Variants in GRM1 observed in about 807,000 individuals in gnomAD.
GRM1 encodes glutamate metabotropic receptor 1.
In GRM1, 33 loss-of-function variants were observed where a neutral mutation model predicts 90.9. The observed-to-expected ratio is 0.36, with a 90% CI of 0.28 to 0.49. GRM1 has a LOEUF of 0.49. GRM1 is among the 20% of genes least tolerant of loss of function. The pLI, the probability that GRM1 is intolerant of heterozygous loss-of-function variation, is 0.99. For missense variants in GRM1, 1,190 were observed against 1,534.3 expected (o/e 0.78, Z 3.75); for synonymous variants, 700 against 613.2 (o/e 1.14, Z -2.09).
rs770429341 is a variant in GRM1, at chr6:146,434,358, C to G, written c.3147C>G (p.His1049Gln). The G allele has an allele frequency of 1.9e-6, 3 of 1,612,582 alleles. No homozygotes were observed. The highest frequency in any genetic ancestry group is 1.3e-5 in the African/African-American group (1 of 75,046). ...TCAGTACCGCGATCCCGGATTTTCA[C>G]GCGGTGCTGGCAGGCCCCGGTGGTC... ...SNFSTAIPDF[H>Q]AVLAGPGGPG... Residue 1049 changes from histidine (H) to glutamine (Q), a missense_variant, in exon 8 of 8, where the codon CAC becomes CAG. His to Gln is a conservative substitution (Grantham distance 24, BLOSUM62 0). This residue lies in a region of GRM1 where 400 missense variants were observed against 360.8 expected (regional missense o/e 1.11). Coordinates refer to ENST00000282753, the MANE Select transcript of GRM1 (RefSeq NM_001278064.2).
chr6:146,317,757 G>A (rs1384250448), intron 3 of GRM1, among the ~76,000 whole-genome samples: 2 of 152,158 alleles, frequency 1.3e-5, no homozygotes, highest in Non-Finnish European at 2.9e-5. Context: ...TAGCCAATGT[G>A]AACTTAGTTT....
intron 2 of GRM1, among the ~76,000 whole-genome samples, chr6:146,207,289 T>C (rs1583164885): frequency 6.6e-6 from 1 of 152,086 alleles, no homozygotes; most frequent in Non-Finnish European, 1.5e-5. Flanking sequence ...AGTGTATAAG[T>C]GTTTGTAATA....
At chr6:146,235,248 C>G (rs535199180) in intron 2 of GRM1, among the ~76,000 whole-genome samples, 2 of 152,228 alleles carry the variant, frequency 1.3e-5, no homozygotes, top group East Asian at 1.9e-4. Context: ...AGATGTCACT[C>G]TATTGTATTC....
intron 2 of GRM1, among the ~76,000 whole-genome samples, chr6:146,253,594 C>A (rs1781376683): frequency 6.6e-6 from 1 of 152,112 alleles, no homozygotes; most frequent in South Asian, 2.1e-4. Flanking sequence ...GTAGGATAGA[C>A]CTTTGTTTCT....
intron 2 of GRM1, among the ~76,000 whole-genome samples, chr6:146,257,489 G>C (rs1215060748): frequency 6.6e-6 from 1 of 151,292 alleles, no homozygotes; most frequent in African/African-American, 2.5e-5. Flanking sequence ...GTGTGCGTAT[G>C]TGTGTGTCTG....
intron 7 of GRM1, among the ~76,000 whole-genome samples, chr6:146,401,723 C>T (rs781101271): frequency 2.0e-4 from 30 of 152,124 alleles, no homozygotes; most frequent in Middle Eastern, 3.2e-3. Flanking sequence ...TTTCTTCTAA[C>T]CATTTATGGT....
At chr6:146,393,473 T>A (rs1429376219) in intron 6 of GRM1, among the ~76,000 whole-genome samples, 2 of 152,154 alleles carry the variant, frequency 1.3e-5, no homozygotes, top group East Asian at 3.9e-4. Context: ...TCCCATCCTA[T>A]AGGTTGCCTG....
At chr6:146,034,877 T>C (rs776284247) in intron 1 of GRM1, among the ~76,000 whole-genome samples, 17 of 152,018 alleles carry the variant, frequency 1.1e-4, no homozygotes, top group Non-Finnish European at 2.4e-4. Flanking sequence ...GCATAAAAAC[T>C]TTAAATAACA....
chr6:146,247,167 G>A (rs1359901578), intron 2 of GRM1, among the ~76,000 whole-genome samples: 2 of 152,138 alleles, frequency 1.3e-5, no homozygotes, highest in Non-Finnish European at 2.9e-5. Flanking sequence ...GTGTTTACAT[G>A]AGACAGGTAG....
At chr6:146,356,532 G>C (rs1785591277) in intron 4 of GRM1, among the ~76,000 whole-genome samples, 1 of 152,174 alleles carries the variant, frequency 6.6e-6, no homozygotes, top group Middle Eastern at 3.4e-3. Context: ...ATCACCTTGG[G>C]GGTTAGGATT....
rs760882520 is a variant in GRM1, at chr6:146,159,465, T to C, written c.818T>C (p.Leu273Pro). Residue 273 changes from leucine (L) to proline (P), a missense_variant, in exon 2 of 8, where the codon CTC becomes CCC. Around this residue, in one of 10 missense-constraint regions of GRM1, gnomAD observed 45 missense variants for 45.5 expected, o/e 0.99. Transcript: ENST00000282753. ...SNAGEKSFDR[L>P]LRKLRERLPK... ...GCTGGGGAGAAGAGCTTTGACCGAC[T>C]CTTGCGCAAACTCCGAGAGAGGCTT... is the stretch of plus-strand genomic sequence containing the variant. The C allele has an allele frequency of 1.2e-6, 2 of 1,614,236 alleles. No homozygotes were observed. Among genetic ancestry groups the C allele is most frequent in the Non-Finnish European group, 1.7e-6 (2 of 1,180,028 alleles).
intron 7 of GRM1, among the ~76,000 whole-genome samples, chr6:146,430,609 A>G (rs542333367): frequency 6.6e-6 from 1 of 152,368 alleles, no homozygotes; most frequent in Admixed American, 6.5e-5. Flanking sequence ...GATTAAATAA[A>G]TGTCATATTG....
At chr6:146,421,618 C>A (rs769485480) in intron 7 of GRM1, among the ~76,000 whole-genome samples, 1 of 152,008 alleles carries the variant, frequency 6.6e-6, no homozygotes, top group African/African-American at 2.4e-5. Flanking sequence ...TTTAATAGGG[C>A]AAAATGTTAA....
At chr6:146,127,087 A>G (rs1776225239) in intron 1 of GRM1, among the ~76,000 whole-genome samples, 1 of 152,238 alleles carries the variant, frequency 6.6e-6, no homozygotes, top group Non-Finnish European at 1.5e-5. Flanking sequence ...TGAAGCTTAG[A>G]GCTTTCTTCA....
intron 5 of GRM1, among the ~76,000 whole-genome samples, chr6:146,384,917 G>A (rs1469646663): frequency 6.6e-6 from 1 of 151,964 alleles, no homozygotes; most frequent in East Asian, 1.9e-4. Flanking sequence ...TCAGTGAACT[G>A]AAAAACATAG....
chr6:146,150,501 G>A (rs1777283327), intron 1 of GRM1, among the ~76,000 whole-genome samples: 1 of 152,134 alleles, frequency 6.6e-6, no homozygotes, highest in African/African-American at 2.4e-5. Flanking sequence ...AATGTGCAAT[G>A]CTCAAATCTG....
At chr6:146,208,711 C>T (rs553856018) in intron 2 of GRM1, among the ~76,000 whole-genome samples, 1 of 152,182 alleles carries the variant, frequency 6.6e-6, no homozygotes, top group Non-Finnish European at 1.5e-5. Context: ...CATAAACAGA[C>T]ACACACAAAT....
At chr6:146,033,673 A>T (rs1790783241) in intron 1 of GRM1, among the ~76,000 whole-genome samples, 1 of 151,932 alleles carries the variant, frequency 6.6e-6, no homozygotes, top group African/African-American at 2.4e-5. Flanking sequence ...TTTTCTTTCC[A>T]GTTAGATTTT....
intron 2 of GRM1, among the ~76,000 whole-genome samples, chr6:146,210,134 C>T (rs1450762545): frequency 6.6e-6 from 1 of 152,100 alleles, no homozygotes; most frequent in African/African-American, 2.4e-5. Context: ...TAGAATTTTT[C>T]AGTGACTCAG....
Sources: gnomAD v4.1 joint callset for allele counts (sites outside exome capture counted in the v4.1 genomes callset) on GRCh38, gnomAD v4.1.1 for gene constraint, gnomAD v4.1.1 regional missense constraint, MANE v1.5 for transcripts, NCBI Gene and HGNC (gene_info 2026-07-23, HGNC 2026-07-21) for gene names.